The following MAPKAP1 variants were observed in gnomAD, a reference collection of about 807,000 sequenced individuals.
The protein encoded by MAPKAP1 is target of rapamycin complex 2 subunit MAPKAP1.
In MAPKAP1, 20 loss-of-function variants were observed where a neutral mutation model predicts 65.7. That is an observed-to-expected ratio of 0.30 (90% CI 0.21 to 0.44). The LOEUF (loss-of-function observed/expected upper bound fraction) is 0.44. Among genes scored for constraint, MAPKAP1 ranks in the 20% least tolerant of loss-of-function variants. MAPKAP1 has a pLI of 1.00. For synonymous variants in MAPKAP1, 222 were observed against 244.3 expected (o/e 0.91, Z 0.85); for missense variants, 423 against 648.0 (o/e 0.65, Z 3.77).
intron 7 of MAPKAP1, among the ~76,000 whole-genome samples, chr9:125,531,165 A>T (rs575520605): frequency 6.6e-6 from 1 of 152,290 alleles, no homozygotes; most frequent in South Asian, 2.1e-4. Flanking sequence ...TGGTCTCTCT[A>T]GAGAGAAAGG....
At chr9:125,646,117 G>A (rs1833719356) in intron 4 of MAPKAP1, among the ~76,000 whole-genome samples, 1 of 152,098 alleles carries the variant, frequency 6.6e-6, no homozygotes, top group African/African-American at 2.4e-5. Flanking sequence ...CATACTTCAT[G>A]AATATTAAAG....
At chr9:125,629,234 C>A (rs767772689) in intron 4 of MAPKAP1, among the ~76,000 whole-genome samples, 66 of 152,162 alleles carry the variant, frequency 4.3e-4, no homozygotes, top group Non-Finnish European at 7.2e-4. Flanking sequence ...TTTCAGTAAT[C>A]CCACTTCTGG....
intron 9 of MAPKAP1, among the ~76,000 whole-genome samples, chr9:125,483,810 T>C (rs1482353181): frequency 6.6e-6 from 1 of 152,154 alleles, no homozygotes; most frequent in Non-Finnish European, 1.5e-5. Context: ...AAGTAGTACA[T>C]GTAAAGCACT....
intron 1 of MAPKAP1, among the ~76,000 whole-genome samples, chr9:125,679,305 CACG>C (rs1400773857): frequency 1.3e-5 from 2 of 152,116 alleles, no homozygotes; most frequent in Non-Finnish European, 2.9e-5. Flanking sequence ...CCCAGCTGAA[CACG>C]ACTTTTTAAA....
chr9:125,658,151 C>T (rs2131754821), intron 3 of MAPKAP1, among the ~76,000 whole-genome samples: 1 of 152,200 alleles, frequency 6.6e-6, no homozygotes, highest in South Asian at 2.1e-4. Flanking sequence ...CTTCTCTAAA[C>T]CTTTCTGGGC....
intron 4 of MAPKAP1, among the ~76,000 whole-genome samples, chr9:125,602,381 G>A (rs1832323448): frequency 6.6e-6 from 1 of 152,208 alleles, no homozygotes; most frequent in Non-Finnish European, 1.5e-5. Context: ...CTGAGAAGCA[G>A]CCCAAAAAGT....
At chr9:125,648,958 T>G (rs189207568) in intron 4 of MAPKAP1, among the ~76,000 whole-genome samples, 286 of 151,028 alleles carry the variant, frequency 1.9e-3, no homozygotes, top group African/African-American at 4.6e-3. Context: ...GAAAAGAAAA[T>G]AAGAAAATAA....
intron 7 of MAPKAP1, chr9:125,513,086 G>C (rs2133098705): frequency 6.6e-6 from 1 of 152,284 alleles, no homozygotes; most frequent in Middle Eastern, 3.4e-3. Context: ...TGAACTTAGT[G>C]TGGACATCTG....
chr9:125,625,257 A>AAT (rs1337978048), intron 4 of MAPKAP1, among the ~76,000 whole-genome samples: 129 of 64,038 alleles, frequency 2.0e-3, no homozygotes, highest in Admixed American at 3.5e-3. Context: ...TAAATAAATA[A>AAT]AAAAAAAAAA....
chr9:125,480,816 C>G (rs984060274), intron 9 of MAPKAP1, among the ~76,000 whole-genome samples: 1 of 150,838 alleles, frequency 6.6e-6, no homozygotes, highest in African/African-American at 2.4e-5. Flanking sequence ...ACTAAAAATA[C>G]AAAAAATTAG....
intron 7 of MAPKAP1, among the ~76,000 whole-genome samples, chr9:125,542,220 C>G (rs557101371): frequency 3.9e-5 from 6 of 152,188 alleles, no homozygotes; most frequent in African/African-American, 7.2e-5. Flanking sequence ...ATTAAAACTT[C>G]AGCTTTCATC....
At chr9:125,635,145 G>A (rs1833387249) in intron 4 of MAPKAP1, among the ~76,000 whole-genome samples, 1 of 152,154 alleles carries the variant, frequency 6.6e-6, no homozygotes. Context: ...CTACTGTGAA[G>A]CCTACTGTTC....
At chr9:125,498,623 T>C (rs1828876999) in intron 8 of MAPKAP1, among the ~76,000 whole-genome samples, 1 of 152,206 alleles carries the variant, frequency 6.6e-6, no homozygotes, top group Non-Finnish European at 1.5e-5. Flanking sequence ...GTGGTTGATA[T>C]AAAATATTAT....
chr9:125,645,565 C>T (rs960260977), intron 4 of MAPKAP1, among the ~76,000 whole-genome samples: 4 of 151,878 alleles, frequency 2.6e-5, no homozygotes, highest in African/African-American at 9.7e-5. Flanking sequence ...GGTGAAACCC[C>T]GTCTCTACTA....
chr9:125,512,955 G>A (rs1397693219), intron 7 of MAPKAP1: 1 of 152,282 alleles, frequency 6.6e-6, no homozygotes, highest in East Asian at 1.9e-4. Context: ...CTGTTCACAG[G>A]TGCGATCCCA....
At chr9:125,454,770 T>C (rs748015544) in intron 10 of MAPKAP1, among the ~76,000 whole-genome samples, 2 of 152,226 alleles carry the variant, frequency 1.3e-5, no homozygotes, top group African/African-American at 4.8e-5. Context: ...CCTCTTTTAA[T>C]ATTCTGCATT....
At chr9:125,580,129 G>C (rs538630546) in intron 5 of MAPKAP1, among the ~76,000 whole-genome samples, 2 of 152,136 alleles carry the variant, frequency 1.3e-5, no homozygotes, top group African/African-American at 4.8e-5. Context: ...ACAGTGTGGC[G>C]ATTTCTCAAG....
intron 3 of MAPKAP1, among the ~76,000 whole-genome samples, chr9:125,666,552 T>C (rs1268275300): frequency 6.6e-6 from 1 of 152,190 alleles, no homozygotes; most frequent in Non-Finnish European, 1.5e-5. Context: ...CCTGTAGTCC[T>C]AGCTCCTCAG....
intron 3 of MAPKAP1, among the ~76,000 whole-genome samples, chr9:125,663,095 GGAAAAGAAGTCAC>G (rs1274554066): frequency 6.6e-6 from 1 of 151,892 alleles, no homozygotes. Flanking sequence ...TTAAACTGGG[GGAAAAGAAGTCAC>G]ATATCACATC....
Sources: gnomAD v4.1 joint callset for allele counts (sites outside exome capture counted in the v4.1 genomes callset) on GRCh38, gnomAD v4.1.1 for gene constraint, MANE v1.5 for transcripts, NCBI Gene and HGNC (gene_info 2026-07-23, HGNC 2026-07-21) for gene names.